Variants in HERPUD2 observed in about 807,000 individuals in gnomAD.
The protein encoded by HERPUD2 is HERPUD family member 2.
A neutral mutation model predicts 49.9 loss-of-function variants in HERPUD2; 13 were observed. The ratio of observed to expected loss-of-function variants is 0.26; its 90% confidence interval spans 0.17 to 0.41. The LOEUF is 0.41. Among genes scored for constraint, HERPUD2 ranks in the 10% least tolerant of loss-of-function variants. The pLI is 1.00. For missense variants in HERPUD2, 449 were observed against 492.2 expected (o/e 0.91, Z 0.83); for synonymous variants, 172 against 171.4 (o/e 1.00, Z -0.03).
At position 35,686,747 on chromosome 7, in the gene HERPUD2, C is replaced by CAAAAAAA. The variant is rs1187930200; in HGVS notation, c.147+7436_147+7437insTTTTTTT. 1.9e-3 allele frequency among the ~76,000 whole-genome samples: 40 copies of CAAAAAAA among 20,674 alleles called. 5 individuals carry two copies. The highest frequency in any genetic ancestry group is 2.9e-3 in the South Asian group (1 of 344). The allele number at this position is 20,674 out of a possible 152,430, so 13.6% of individuals were successfully genotyped here. On this transcript the variant is annotated intron_variant, in intron 2 of 8. Coordinates refer to ENST00000311350, the MANE Select transcript of HERPUD2 (RefSeq NM_022373.5). ...AAAAAAAAAAAAAAAAAAAAAAAAC[C>CAAAAAAA]AAACCCATTTCCAGGCCAGGGGTGG... is the stretch of plus-strand genomic sequence containing the variant.
chr7:35,651,314 G>A lies in HERPUD2; in HGVS notation c.495-12842C>T, dbSNP rs116480693. Reference sequence around the variant, plus strand: ...TGGACCATCTCACACTGGTGCCAGCGTATGCCACACTGGGGCCTAAGGACA... The same window carrying A: ...TGGACCATCTCACACTGGTGCCAGCATATGCCACACTGGGGCCTAAGGACA... On this transcript the variant is annotated intron_variant, in intron 5 of 8. Transcript: ENST00000311350. Among the ~76,000 whole-genome samples, 1,046 of 152,064 alleles carry A rather than the reference G, an allele frequency of 6.9e-3. 10 individuals carry two copies. The highest frequency in any genetic ancestry group is 0.024 in the African/African-American group (990 of 41,470).
At chr7:35,684,691 G>C (rs1336651724) in intron 2 of HERPUD2, among the ~76,000 whole-genome samples, 1 of 152,128 alleles carries the variant, frequency 6.6e-6, no homozygotes, top group African/African-American at 2.4e-5. Context: ...GGGAGTTAAA[G>C]CTATGAGGAT....
rs1313382418 is a variant in HERPUD2 at position 35,670,324 on chromosome 7, T to C, written c.230A>G (p.Asp77Gly). 7.0e-7 allele frequency: 1 copy of C among 1,437,122 alleles called. No individual in the cohort carries two copies. The highest frequency in any genetic ancestry group is 9.4e-7 in the Non-Finnish European group (1 of 1,064,628). 89.0% of individuals were successfully genotyped at this position (1,437,122 alleles called of 1,614,324 possible). A position where few individuals can be genotyped will look rare whatever the true frequency, so the allele number is the denominator to read the frequency against. Residue 77 changes from aspartate to glycine, a missense_variant, in exon 4 of 9, where the codon GAT (aspartate) becomes GGT (glycine). Asp to Gly is a moderately conservative substitution (Grantham distance 94). Coordinates refer to ENST00000311350, the MANE Select transcript of HERPUD2 (RefSeq NM_022373.5). The part of the protein sequence containing the change: ...LQLKDILRKQ[D>G]EYHMVHLVCT... ...TACTAGATGAACCATATGATACTCA[T>C]CTTGCTAAAATTAAAGAAGATTACA... is the stretch of plus-strand genomic sequence containing the variant.
At chr7:35,657,215 A>G (rs1456531230) in intron 5 of HERPUD2, among the ~76,000 whole-genome samples, 1 of 152,184 alleles carries the variant, frequency 6.6e-6, no homozygotes, top group East Asian at 1.9e-4. Flanking sequence ...ATGAATAGCT[A>G]TTTCTCAAGG....
In HERPUD2 at chr7:35,635,223, G is replaced by A. The variant is rs1425928556; in HGVS notation, c.853C>T (p.Arg285Ter). 3 of 1,614,114 alleles carry A rather than the reference G, an allele frequency of 1.9e-6. No homozygotes were observed. The highest frequency in any genetic ancestry group is 2.2e-5 in the East Asian group (1 of 44,888). ...DWLDWMYTFS[R>*]AAILLSIVYF... Reference sequence around the variant, plus strand: ...ACAATGCTAAGGAGAATCGCAGCTCGTGAGAACGTGTACATCCAGTCTAGC... The same window carrying A: ...ACAATGCTAAGGAGAATCGCAGCTCATGAGAACGTGTACATCCAGTCTAGC... The change falls in exon 7 of 9, where the codon CGA becomes TGA. Residue 285 changes from arginine (R) to a stop codon, truncating the protein, a stop_gained. Coordinates refer to ENST00000311350, the MANE Select transcript of HERPUD2 (RefSeq NM_022373.5). LOFTEE classifies it high-confidence loss of function.
At chr7:35,669,121 G>C (rs1243032234) in intron 4 of HERPUD2, among the ~76,000 whole-genome samples, 1 of 152,112 alleles carries the variant, frequency 6.6e-6, no homozygotes, top group African/African-American at 2.4e-5. Context: ...CAATGCAACT[G>C]TGTCCGACGA....
chr7:35,643,731 G>C (rs1785004316), intron 5 of HERPUD2, among the ~76,000 whole-genome samples: 1 of 150,660 alleles, frequency 6.6e-6, no homozygotes, highest in Admixed American at 6.6e-5. Flanking sequence ...TGAAGAAAAT[G>C]AAAATAAGCC....
intron 4 of HERPUD2, 81 bp from the exon 5 acceptor site, chr7:35,667,669 T>C (rs1785565855): frequency 3.8e-6 from 4 of 1,054,244 alleles, no homozygotes; most frequent in Non-Finnish European, 5.6e-6. Flanking sequence ...TAAAAACGTA[T>C]TCATGAAATC....
At chr7:35,672,917 C>G (rs544684373) in intron 3 of HERPUD2, among the ~76,000 whole-genome samples, 2 of 152,214 alleles carry the variant, frequency 1.3e-5, no homozygotes, top group South Asian at 4.1e-4. Flanking sequence ...CATTCTACTT[C>G]TACACTACTG....
At chr7:35,690,018 C>T (rs1235433703) in intron 2 of HERPUD2, among the ~76,000 whole-genome samples, 2 of 152,210 alleles carry the variant, frequency 1.3e-5, no homozygotes, top group East Asian at 1.9e-4. Context: ...TATTATCAAC[C>T]GTTTTGGTAT....
At chr7:35,652,082 C>A (rs1173329953) in intron 5 of HERPUD2, among the ~76,000 whole-genome samples, 1 of 152,102 alleles carries the variant, frequency 6.6e-6, no homozygotes, top group Non-Finnish European at 1.5e-5. Flanking sequence ...GATTCCAGGC[C>A]TCTTTCAATT....
At chr7:35,672,984 C>T (rs188985552) in intron 3 of HERPUD2, among the ~76,000 whole-genome samples, 94 of 152,216 alleles carry the variant, frequency 6.2e-4, no homozygotes, top group Non-Finnish European at 1.1e-3. Flanking sequence ...AATACATAAT[C>T]GTACTTCAGA....
intron 5 of HERPUD2, among the ~76,000 whole-genome samples, chr7:35,655,845 CA>C (rs1221408832): frequency 1.2e-4 from 18 of 152,178 alleles, no homozygotes. Context: ...AACATTTTTA[CA>C]CACCAAAAAC....
At chr7:35,670,018 C>T (rs1785610376) in intron 4 of HERPUD2, among the ~76,000 whole-genome samples, 197 bp downstream of exon 4, 1 of 151,840 alleles carries the variant, frequency 6.6e-6, no homozygotes, top group Non-Finnish European at 1.5e-5. Context: ...GGTGAATAGA[C>T]TTCAAGGGAT....
At chr7:35,694,014 A>G (rs1786255982) in intron 2 of HERPUD2, among the ~76,000 whole-genome samples, 170 bp downstream of exon 2, 1 of 152,154 alleles carries the variant, frequency 6.6e-6, no homozygotes, top group African/African-American at 2.4e-5. Flanking sequence ...GAAAATATTA[A>G]TGATGGTTCG....
At chr7:35,683,141 T>C (rs567509860) in intron 2 of HERPUD2, among the ~76,000 whole-genome samples, 4 of 152,250 alleles carry the variant, frequency 2.6e-5, no homozygotes, top group African/African-American at 9.6e-5. Context: ...AGAACAAATC[T>C]GGAGGCATCA....
intron 2 of HERPUD2, among the ~76,000 whole-genome samples, chr7:35,678,522 A>C (rs995790487): frequency 6.6e-6 from 1 of 152,164 alleles, no homozygotes; most frequent in Admixed American, 6.5e-5. Flanking sequence ...GCTGGTCTCA[A>C]ACTCCTGGCC....
rs1261290365 is a variant in HERPUD2, at chr7:35,635,191, G to A, written c.885C>T (p.Phe295=). ...RAAILLSIVY[F]YSSFSRFIMV... The stretch of plus-strand genomic sequence containing the variant: ...TGATAAACCGACTAAAAGAAGAATA[G>A]AAGTATACAATGCTAAGGAGAATCG... The change falls in exon 7 of 9, where the codon TTC becomes TTT. Residue 295 remains phenylalanine (F), a synonymous_variant. Transcript: ENST00000311350. The A allele has an allele frequency of 6.2e-7, 1 of 1,614,012 alleles. No individual in the cohort carries two copies. The highest frequency in any genetic ancestry group is 8.5e-7 in the Non-Finnish European group (1 of 1,179,990).
chr7:35,637,160 A>AGATAGATAGAT lies in HERPUD2; in HGVS notation c.617+1189_617+1190insATCTATCTATC, dbSNP rs1784884130. ...AAAAAAAGAAAGAAAGAAAGAAAGA[A>AGATAGATAGAT]AGATAGATAGATAGATAGATAGATA... On this transcript the variant is annotated intron_variant, in intron 6 of 8. Transcript: ENST00000311350. Among the ~76,000 whole-genome samples, 5 of 144,192 alleles carry AGATAGATAGAT rather than the reference A, an allele frequency of 3.5e-5. No homozygotes were observed. The East Asian group carries it at 8.2e-4, about 24-fold the overall frequency. The allele number at this position is 144,192 out of a possible 152,430, so 94.6% of individuals were successfully genotyped here.
Sources: allele counts gnomAD v4.1 joint callset (sites outside exome capture counted in the v4.1 genomes callset), GRCh38; gene constraint gnomAD v4.1.1; transcripts MANE v1.5; gene names NCBI Gene and HGNC (gene_info 2026-07-23, HGNC 2026-07-21).